FAM168B: variants seen among roughly 807,000 people sequenced by gnomAD.
FAM168B encodes myelin-associated neurite-outgrowth inhibitor.
FAM168B carries 19 observed loss-of-function variants against 21.8 expected under a neutral mutation model. The ratio of observed to expected loss-of-function variants is 0.87; its 90% CI spans 0.61 to 1.28. The LOEUF is 1.28. FAM168B is among the 50% of genes most tolerant of loss of function. The pLI, the probability that FAM168B is intolerant of heterozygous loss-of-function variation, is 0.00. For missense variants in FAM168B, 233 were observed against 263.1 expected (o/e 0.89, Z 0.79); for synonymous variants, 126 against 104.8 (o/e 1.20, Z -1.24).
intron 3 of FAM168B, among the ~76,000 whole-genome samples, 153 bp from the exon 4 acceptor site, chr2:131,055,848 G>GA (rs1223840928): frequency 2.0e-5 from 3 of 152,180 alleles, no homozygotes; most frequent in Non-Finnish European, 4.4e-5. Flanking sequence ...ACTAAGATCT[G>GA]ACTTCATTCT....
At chr2:131,092,131 G>GA (rs1694065108) in intron 1 of FAM168B, among the ~76,000 whole-genome samples, 1 of 150,100 alleles carries the variant, frequency 6.7e-6, no homozygotes, top group African/African-American at 2.4e-5. Context: ...GAAACAGAGG[G>GA]AGACTCCGTC....
chr2:131,067,064 A>G (rs1304808108), intron 3 of FAM168B, among the ~76,000 whole-genome samples: 1 of 152,162 alleles, frequency 6.6e-6, no homozygotes, highest in African/African-American at 2.4e-5. Flanking sequence ...ACAGCACAGG[A>G]AAAATCCACC....
At chr2:131,056,409 A>G (rs1348725722) in intron 3 of FAM168B, among the ~76,000 whole-genome samples, 3 of 152,184 alleles carry the variant, frequency 2.0e-5, no homozygotes, top group Non-Finnish European at 4.4e-5. Context: ...ACTCGAGAAG[A>G]AGGCACTCAG....
chr2:131,072,997 T>C (rs1225224396), intron 2 of FAM168B, among the ~76,000 whole-genome samples: 2 of 152,194 alleles, frequency 1.3e-5, no homozygotes, highest in African/African-American at 2.4e-5. Context: ...ATTCCGACAT[T>C]TCCTACATTA....
intron 3 of FAM168B, among the ~76,000 whole-genome samples, chr2:131,065,936 G>A (rs889251559): frequency 1.7e-4 from 26 of 151,584 alleles, no homozygotes; most frequent in African/African-American, 4.9e-4. Flanking sequence ...CCATCACTTC[G>A]TAATTAAATG....
chr2:131,055,154 C>G, intron 5 of FAM168B, 118 bp downstream of exon 5: 1 of 1,031,098 alleles, frequency 9.7e-7, no homozygotes, highest in Non-Finnish European at 1.3e-6. Context: ...ATTTTCTGTC[C>G]TTCCACACAA....
intron 2 of FAM168B, among the ~76,000 whole-genome samples, chr2:131,077,418 C>T (rs1693213331): frequency 6.6e-6 from 1 of 152,170 alleles, no homozygotes; most frequent in African/African-American, 2.4e-5. Context: ...CTAACCCTTG[C>T]CCCAGAGCAC....
intron 3 of FAM168B, among the ~76,000 whole-genome samples, chr2:131,066,397 G>C (rs969855262): frequency 1.3e-5 from 2 of 152,028 alleles, no homozygotes; most frequent in Non-Finnish European, 2.9e-5. Context: ...GGATGGTCTC[G>C]ATCTCCTGAC....
At chr2:131,074,568 A>T (rs1243754950) in intron 2 of FAM168B, among the ~76,000 whole-genome samples, 3 of 152,198 alleles carry the variant, frequency 2.0e-5, no homozygotes, top group African/African-American at 7.2e-5. Context: ...GTTGAAAGAG[A>T]AGAGCAGTCT....
chr2:131,068,575 C>T (rs377681487), intron 3 of FAM168B, among the ~76,000 whole-genome samples: 2 of 152,200 alleles, frequency 1.3e-5, no homozygotes, highest in Non-Finnish European at 2.9e-5. Context: ...TCAGCAGATG[C>T]CCCTCTAAAC....
intron 3 of FAM168B, among the ~76,000 whole-genome samples, chr2:131,061,426 G>A (rs932445938): frequency 4.6e-5 from 7 of 151,940 alleles, no homozygotes; most frequent in African/African-American, 1.7e-4. Context: ...TGAGGTAAAA[G>A]AACAAGCAAG....
chr2:131,061,149 C>A (rs6708700), intron 3 of FAM168B, among the ~76,000 whole-genome samples: 23,593 of 142,518 alleles, frequency 0.17, 2,303 homozygotes, highest in African/African-American at 0.27. Flanking sequence ...CCGCGCCTGG[C>A]CCAATTTTTT....
At chr2:131,071,364 A>T (rs1692862352) in intron 3 of FAM168B, among the ~76,000 whole-genome samples, 1 of 152,202 alleles carries the variant, frequency 6.6e-6, no homozygotes, top group South Asian at 2.1e-4. Flanking sequence ...CCCACTAAAT[A>T]ACCAATCTCC....
chr2:131,048,387 C>T lies in FAM168B; in HGVS notation c.*4078G>A. 3.9e-6 allele frequency: 5 copies of T among 1,281,264 alleles called. No homozygotes were observed. The highest frequency in any genetic ancestry group is 5.1e-6 in the Non-Finnish European group (5 of 972,568). The allele number at this position is 1,281,264 out of a possible 1,614,324, so 79.4% of individuals were successfully genotyped here. A position where few individuals can be genotyped will look rare whatever the true frequency, so the allele number is the denominator to read the frequency against. The stretch of plus-strand genomic sequence containing the variant: ...ACCTGTCATGCCAGTCCTGGGAGCA[C>T]ACCACCCTTCTGCAGGCCCGGGGGG... On this transcript the variant is annotated 3_prime_UTR_variant, in exon 7 of 7. Coordinates refer to ENST00000389915, the MANE Select transcript of FAM168B (RefSeq NM_001009993.4).
chr2:131,080,095 C>A (rs1247683324), intron 2 of FAM168B, among the ~76,000 whole-genome samples: 1 of 149,450 alleles, frequency 6.7e-6, no homozygotes. Context: ...CCAGCCTGGG[C>A]AACAAGAGTG....
chr2:131,061,256 C>G (rs370840766), intron 3 of FAM168B, among the ~76,000 whole-genome samples: 53 of 141,390 alleles, frequency 3.7e-4, no homozygotes, highest in African/African-American at 1.3e-3. Context: ...GGAGTTGAGA[C>G]GAGCCTAGCC....
intron 3 of FAM168B, among the ~76,000 whole-genome samples, chr2:131,065,769 A>T (rs1692520804): frequency 6.6e-6 from 1 of 150,794 alleles, no homozygotes; most frequent in Admixed American, 6.6e-5. Flanking sequence ...AGCCTGGGCA[A>T]CAGAGCGAGA....
chr2:131,090,346 A>AAGAC (rs1693947162), intron 1 of FAM168B, among the ~76,000 whole-genome samples: 1 of 151,512 alleles, frequency 6.6e-6, no homozygotes, highest in Non-Finnish European at 1.5e-5. Context: ...AAAAGAAAGA[A>AAGAC]AGACCTATCA....
intron 3 of FAM168B, 35 bp from the exon 4 acceptor site, chr2:131,055,730 A>G (rs1691984729): frequency 1.2e-6 from 2 of 1,606,474 alleles, no homozygotes; most frequent in Non-Finnish European, 1.7e-6. Flanking sequence ...GAGTTCACCC[A>G]AGCCGGTCCA....
Sources: allele counts gnomAD v4.1 joint callset (sites outside exome capture counted in the v4.1 genomes callset), GRCh38; gene constraint gnomAD v4.1.1; transcripts MANE v1.5; gene names NCBI Gene and HGNC (gene_info 2026-07-23, HGNC 2026-07-21).